SYT7: variants seen among roughly 807,000 people sequenced by gnomAD.
SYT7 encodes synaptotagmin 7, also known as synaptotagmin-7.
SYT7 carries 29 observed loss-of-function variants against 75.1 expected under a neutral mutation model. The ratio of observed to expected loss-of-function variants is 0.39; its 90% CI spans 0.29 to 0.53. The LOEUF is 0.53. SYT7 is among the 20% of genes least tolerant of loss of function. The pLI, the probability that SYT7 is intolerant of heterozygous loss-of-function variation, is 0.77. For missense variants in SYT7, 693 were observed against 953.2 expected (o/e 0.73, Z 3.59); for synonymous variants, 376 against 401.7 (o/e 0.94, Z 0.76).
At chr11:61,566,012 G>A (rs985149220) in intron 1 of SYT7, among the ~76,000 whole-genome samples, 5 of 152,366 alleles carry the variant, frequency 3.3e-5, no homozygotes, top group Middle Eastern at 3.4e-3. Flanking sequence ...CAGCCGTTCC[G>A]GCAAGAAATT....
chr11:61,547,128 C>T (rs1323206316), intron 4 of SYT7, 49 bp downstream of exon 4: 3 of 1,525,898 alleles, frequency 2.0e-6, no homozygotes, highest in Non-Finnish European at 2.6e-6. Flanking sequence ...GGAAGGAGGG[C>T]GTGCGCGGAT....
chr11:61,529,387 G>A (rs987330055), intron 8 of SYT7, among the ~76,000 whole-genome samples: 1 of 152,148 alleles, frequency 6.6e-6, no homozygotes, highest in African/African-American at 2.4e-5. Context: ...TCGCATCGCC[G>A]TCTCCTTACT....
rs1263089725 is a variant in SYT7 at position 61,518,557 on chromosome 11, T to C, written c.*70A>G. 8.8e-7 allele frequency: 1 copy of C among 1,141,952 alleles called. No individual in the cohort carries two copies. The highest frequency in any genetic ancestry group is 1.2e-6 in the Non-Finnish European group (1 of 820,388). The allele number at this position is 1,141,952 out of a possible 1,614,324, so 70.7% of individuals were successfully genotyped here. On this transcript the variant is annotated 3_prime_UTR_variant, in exon 13 of 13. Transcript: ENST00000539008. ...TATGGCAGGGGGCTCAGGCCGGGCG[T>C]TGTGCATAAAGTGGTGAGGGCATGA...
chr11:61,558,373 G>T (rs1236261224), intron 1 of SYT7, among the ~76,000 whole-genome samples: 2 of 151,978 alleles, frequency 1.3e-5, no homozygotes, highest in Non-Finnish European at 1.5e-5. Flanking sequence ...TGCTTGGCTT[G>T]AACTCTGGCA....
intron 12 of SYT7, 137 bp from the exon 13 acceptor site, chr11:61,518,868 C>T: frequency 1.9e-6 from 1 of 527,454 alleles, no homozygotes. Flanking sequence ...TGACAACCTA[C>T]CCCACAGAGG....
rs116349376 is a variant in SYT7, at chr11:61,564,687, C to G, written c.32-8480G>C. Among the ~76,000 whole-genome samples, 208 of 152,304 alleles carry G rather than the reference C, an allele frequency of 1.4e-3. 3 individuals are homozygous for G. The highest frequency in any genetic ancestry group is 4.8e-3 in the African/African-American group (201 of 41,564). On this transcript the variant is annotated intron_variant, in intron 1 of 12. Transcript: ENST00000539008. Reference sequence around the variant, plus strand: ...GAATAGACAGAAAAGAAGAAAGAACCTGAGTGGACACAAACGACAGTTACG... The same window carrying G: ...GAATAGACAGAAAAGAAGAAAGAACGTGAGTGGACACAAACGACAGTTACG...
the SYT7 span, among the ~76,000 whole-genome samples, chr11:61,587,802 G>A: frequency 6.6e-6 from 1 of 152,258 alleles, no homozygotes; most frequent in Admixed American, 6.5e-5. Flanking sequence ...TATCCGGCCC[G>A]GGGCAGAGAT....
intron 1 of SYT7, among the ~76,000 whole-genome samples, chr11:61,577,127 G>C (rs1392066890): frequency 1.3e-5 from 2 of 152,208 alleles, no homozygotes; most frequent in African/African-American, 4.8e-5. Context: ...CAAGGCCACA[G>C]AACAGTGTGA....
chr11:61,542,500 G>T lies in SYT7; in HGVS notation c.652C>A (p.Pro218Thr). The change falls in exon 6 of 13, where the codon CCC (proline) becomes ACC (threonine). Residue 218 changes from proline (P) to threonine (T), a missense_variant. Physicochemically the swap from Pro to Thr is conservative, Grantham distance 38. Around this residue, in one of 2 missense-constraint regions of SYT7, gnomAD observed 487 missense variants for 593.2 expected, o/e 0.82. Coordinates refer to ENST00000539008, the MANE Select transcript of SYT7 (RefSeq NM_001365809.2). This position sits in a 1 kb window ranked among gnomAD's most constrained non-coding sequence, Gnocchi z 7.8. ...SSTGEPKCQR[P>T]RTLMRQQSLQ... is the part of the protein sequence containing the mutation. ...CTCTGCTGCCGCATCAGGGTGCGGGGTCGCTGGCATTTCGGCTCTCCCGTG... is the reference window on the plus strand; with the variant it reads ...CTCTGCTGCCGCATCAGGGTGCGGGTTCGCTGGCATTTCGGCTCTCCCGTG... 6.5e-7 allele frequency: 1 copy of T among 1,532,592 alleles called. No individual in the cohort carries two copies. The highest frequency in any genetic ancestry group is 8.7e-7 in the Non-Finnish European group (1 of 1,145,664). The allele number at this position is 1,532,592 out of a possible 1,614,324, so 94.9% of individuals were successfully genotyped here. A position where few individuals can be genotyped will look rare whatever the true frequency, so the allele number is the denominator to read the frequency against.
In SYT7 at chr11:61,551,503, C is replaced by A. The variant is rs2063349816; in HGVS notation, c.136-40G>T. ...CTAGGATCACTCCTGGGGAACAGGACTGTACCCTCCCTACCTCCCCAGAAC... is the reference window on the plus strand; with the variant it reads ...CTAGGATCACTCCTGGGGAACAGGAATGTACCCTCCCTACCTCCCCAGAAC... On this transcript the variant is annotated intron_variant, in intron 2 of 12. Coordinates refer to ENST00000539008, the MANE Select transcript of SYT7 (RefSeq NM_001365809.2). The surrounding 1 kb of genome is among the most constrained non-coding windows in gnomAD (Gnocchi z 5.3). 1.3e-6 allele frequency: 2 copies of A among 1,594,364 alleles called. No homozygotes were observed. The highest frequency in any genetic ancestry group is 2.7e-5 in the African/African-American group (2 of 74,654).
chr11:61,535,978 C>G (rs545002858), intron 7 of SYT7, among the ~76,000 whole-genome samples: 42 of 152,276 alleles, frequency 2.8e-4, no homozygotes, highest in African/African-American at 1.0e-3. Flanking sequence ...GGGCCCTAAG[C>G]TGCCAGGTGC....
chr11:61,556,007 G>T, intron 2 of SYT7, 97 bp downstream of exon 2: 1 of 1,187,954 alleles, frequency 8.4e-7, no homozygotes, highest in Non-Finnish European at 1.2e-6. Flanking sequence ...TGCACCCTTG[G>T]GAAAATTCCC....
intron 6 of SYT7, chr11:61,539,726 G>A (rs531788357): frequency 6.0e-4 from 92 of 152,302 alleles, no homozygotes; most frequent in African/African-American, 2.1e-3. Flanking sequence ...TAGCCTCTGA[G>A]GTGAGGGGCG....
rs1388583414 is a variant in SYT7, at chr11:61,514,131, A to C, written c.*4496T>G. Among the ~76,000 whole-genome samples the C allele has an allele frequency of 6.6e-6, 1 of 152,156 alleles. No homozygotes were observed. The highest frequency in any genetic ancestry group is 1.5e-5 in the Non-Finnish European group (1 of 68,026). The stretch of plus-strand genomic sequence containing the variant: ...GAGAAGCAAAAATGGAGGAAGGCAA[A>C]AAGTCCAGGGAAGGGCCCGAGCCAG... On this transcript the variant is annotated 3_prime_UTR_variant, in exon 13 of 13. Transcript: ENST00000539008.
chr11:61,566,955 C>T (rs1047211024), intron 1 of SYT7, among the ~76,000 whole-genome samples: 7 of 152,160 alleles, frequency 4.6e-5, no homozygotes, highest in African/African-American at 1.2e-4. Context: ...GGCTTGGAGC[C>T]GTGAAGGCCA....
chr11:61,527,890 C>G (rs371990382), intron 9 of SYT7, 25 bp downstream of exon 9: 25 of 1,609,210 alleles, frequency 1.6e-5, no homozygotes, highest in South Asian at 1.4e-4. Context: ...GTGACCATGG[C>G]GGGGGAAGGT....
At chr11:61,574,958 G>A (rs1028124696) in intron 1 of SYT7, among the ~76,000 whole-genome samples, 8 of 151,966 alleles carry the variant, frequency 5.3e-5, no homozygotes, top group African/African-American at 1.2e-4. Context: ...TCATGCAGGC[G>A]CCCCTTCTGC....
chr11:61,519,812 T>TTTTGTTTG (rs749245537), intron 12 of SYT7, among the ~76,000 whole-genome samples: 2 of 152,070 alleles, frequency 1.3e-5, no homozygotes, highest in Non-Finnish European at 2.9e-5. Flanking sequence ...AAAATAGTGT[T>TTTTGTTTG]TTTGTTTGTT....
chr11:61,585,192 C>T (rs1324076654), upstream of SYT7, among the ~76,000 whole-genome samples: 2 of 152,222 alleles, frequency 1.3e-5, no homozygotes, highest in Non-Finnish European at 1.5e-5. Context: ...TCCTGAGTTC[C>T]CCTCTGGCCT....
Sources: allele counts gnomAD v4.1 joint callset (sites outside exome capture counted in the v4.1 genomes callset), GRCh38; gene constraint gnomAD v4.1.1; regional missense constraint gnomAD v4.1.1; non-coding constraint Gnocchi (gnomAD v3.1); transcripts MANE v1.5; gene names NCBI Gene and HGNC (gene_info 2026-07-23, HGNC 2026-07-21).